The following COL5A2 variants were observed in gnomAD, a reference collection of about 807,000 sequenced individuals.
The protein encoded by COL5A2 is collagen alpha-2(V) chain.
A neutral mutation model predicts 208.2 loss-of-function variants in COL5A2; 23 were observed. That is an observed-to-expected ratio of 0.11 (90% CI 0.08 to 0.16). COL5A2 has a LOEUF of 0.16. Among genes scored for constraint, COL5A2 ranks in the 10% least tolerant of loss-of-function variants. The pLI, the probability that COL5A2 is intolerant of heterozygous loss-of-function variation, is 1.00. For missense variants in COL5A2, 1,590 were observed against 1,956.4 expected, an observed-to-expected ratio of 0.81 and a Z score of 3.53; for synonymous variants, 625 against 628.5, an observed-to-expected ratio of 0.99 and a Z score of 0.08.
chr2:189,160,232 T>A (rs992672593), intron 1 of COL5A2, among the ~76,000 whole-genome samples: 13 of 152,188 alleles, frequency 8.5e-5, no homozygotes, highest in African/African-American at 3.1e-4. Flanking sequence ...AATGTATGCA[T>A]AAAAGAAGTG....
the COL5A2 span, among the ~76,000 whole-genome samples, chr2:189,231,909 G>A: frequency 2.6e-5 from 4 of 151,706 alleles, no homozygotes; most frequent in African/African-American, 9.7e-5. Flanking sequence ...CTGAGGTGGA[G>A]AGGAGTTTGT....
the COL5A2 span, among the ~76,000 whole-genome samples, chr2:189,295,405 C>T: frequency 1.5e-4 from 23 of 152,194 alleles, no homozygotes; most frequent in Admixed American, 3.3e-4. Context: ...GTCAGGAGTT[C>T]GAGACCAGCC....
intron 1 of COL5A2, among the ~76,000 whole-genome samples, chr2:189,185,110 G>A (rs1197669969): frequency 4.6e-5 from 7 of 151,674 alleles, no homozygotes; most frequent in Non-Finnish European, 1.0e-4. Context: ...TGCAGCCTCC[G>A]CCTCCCGGGT....
the COL5A2 span, among the ~76,000 whole-genome samples, chr2:189,340,909 C>T: frequency 6.6e-6 from 1 of 152,140 alleles, no homozygotes; most frequent in African/African-American, 2.4e-5. Flanking sequence ...TTGATCAAAA[C>T]AGAATTACAG....
the COL5A2 span, among the ~76,000 whole-genome samples, chr2:189,307,983 T>G: frequency 3.9e-5 from 6 of 152,126 alleles, no homozygotes; most frequent in African/African-American, 1.2e-4. Flanking sequence ...TTACTTTACT[T>G]TCTTAATAAA....
At chr2:189,369,158 T>A in the COL5A2 span, among the ~76,000 whole-genome samples, 4 of 152,178 alleles carry the variant, frequency 2.6e-5, no homozygotes, top group Non-Finnish European at 5.9e-5. Context: ...AGAAGAAAGT[T>A]ACTGTGACTT....
At chr2:189,050,426 CA>C (rs1272147926) in intron 43 of COL5A2, 142 bp downstream of exon 43, 15 of 705,806 alleles carry the variant, frequency 2.1e-5, no homozygotes, top group Non-Finnish European at 3.5e-5. Context: ...CATTTAAGAT[CA>C]AAAGATTTTT....
At chr2:189,052,705 T>G (rs778448275) in intron 40 of COL5A2, 44 bp downstream of exon 40, 1 of 1,582,020 alleles carries the variant, frequency 6.3e-7, no homozygotes, top group Non-Finnish European at 8.7e-7. Context: ...ACTAGGTAAC[T>G]AGAATTAGCT....
chr2:189,326,252 G>C, the COL5A2 span, among the ~76,000 whole-genome samples: 1 of 152,098 alleles, frequency 6.6e-6, no homozygotes, highest in South Asian at 2.1e-4. Flanking sequence ...TGATTATGAA[G>C]AAGACAAAAA....
At chr2:189,273,813 G>T in the COL5A2 span, among the ~76,000 whole-genome samples, 3 of 152,084 alleles carry the variant, frequency 2.0e-5, no homozygotes, top group Admixed American at 2.0e-4. Flanking sequence ...AGTCATGGAA[G>T]CAGAGGGTAG....
At chr2:189,264,521 G>A in the COL5A2 span, among the ~76,000 whole-genome samples, 4 of 152,084 alleles carry the variant, frequency 2.6e-5, no homozygotes, top group Admixed American at 2.6e-4. Context: ...TATTGTTTAG[G>A]GATGCATACA....
the COL5A2 span, among the ~76,000 whole-genome samples, chr2:189,240,325 G>A: frequency 2.0e-5 from 3 of 152,100 alleles, no homozygotes; most frequent in African/African-American, 4.8e-5. Flanking sequence ...GGTGACCACT[G>A]TCTCACTGTA....
At chr2:189,313,702 C>T in the COL5A2 span, among the ~76,000 whole-genome samples, 4 of 152,150 alleles carry the variant, frequency 2.6e-5, no homozygotes, top group African/African-American at 7.2e-5. Context: ...AGACCCATCT[C>T]ACATGCAATG....
the COL5A2 span, among the ~76,000 whole-genome samples, chr2:189,283,384 C>T: frequency 6.6e-6 from 1 of 151,994 alleles, no homozygotes; most frequent in South Asian, 2.1e-4. Context: ...AAAAAGTGAG[C>T]TTAACTCAAT....
At chr2:189,308,003 G>A in the COL5A2 span, among the ~76,000 whole-genome samples, 1 of 152,028 alleles carries the variant, frequency 6.6e-6, no homozygotes, top group African/African-American at 2.4e-5. Context: ...ACTCGCTTTT[G>A]CTTTGCACTG....
chr2:189,149,455 G>T (rs1394636689), intron 1 of COL5A2, among the ~76,000 whole-genome samples: 1 of 152,004 alleles, frequency 6.6e-6, no homozygotes, highest in Non-Finnish European at 1.5e-5. Flanking sequence ...TTTAATATTG[G>T]CTCTATATTC....
chr2:189,262,423 G>C, the COL5A2 span, among the ~76,000 whole-genome samples: 240 of 151,752 alleles, frequency 1.6e-3, 1 homozygote, highest in African/African-American at 5.6e-3. Context: ...TCAGGACAAA[G>C]TTTTTTTAGT....
chr2:189,352,418 G>A, the COL5A2 span, among the ~76,000 whole-genome samples: 1 of 152,178 alleles, frequency 6.6e-6, no homozygotes, highest in Non-Finnish European at 1.5e-5. Context: ...ACTCCCACCA[G>A]CAGTGTAAAA....
chr2:189,254,622 C>T, the COL5A2 span, among the ~76,000 whole-genome samples: 1 of 152,190 alleles, frequency 6.6e-6, no homozygotes, highest in African/African-American at 2.4e-5. Context: ...CTGCCTGGGC[C>T]CCTGGCAGCA....
Sources: gnomAD v4.1 joint callset for allele counts (sites outside exome capture counted in the v4.1 genomes callset) on GRCh38, gnomAD v4.1.1 for gene constraint, MANE v1.5 for transcripts, NCBI Gene and HGNC (gene_info 2026-07-23, HGNC 2026-07-21) for gene names.